The following MYO16 variants were observed in gnomAD, a reference collection of about 807,000 sequenced individuals.
MYO16 encodes unconventional myosin-XVI.
MYO16 carries 94 observed loss-of-function variants against 205.3 expected under a neutral mutation model. That is an observed-to-expected ratio of 0.46 (90% CI 0.39 to 0.54). The LOEUF is 0.54. Ranked by LOEUF, MYO16 falls within the 20% of genes least tolerant of loss-of-function variation. The probability of loss-of-function intolerance (pLI) is 0.00; values close to 1 mark genes in which losing one functional copy is unlikely to be tolerated. For synonymous variants in MYO16, 988 were observed against 954.0 expected (o/e 1.04, Z -0.66); for missense variants, 2,315 against 2,387.5 (o/e 0.97, Z 0.63).
At chr13:108,868,105 T>C (rs1878814676) in intron 12 of MYO16, among the ~76,000 whole-genome samples, 1 of 151,952 alleles carries the variant, frequency 6.6e-6, no homozygotes, top group Non-Finnish European at 1.5e-5. Context: ...GCAAGAATAT[T>C]ACTGCTATGA....
At chr13:108,802,641 G>A (rs2138971828) in intron 6 of MYO16, among the ~76,000 whole-genome samples, 1 of 152,120 alleles carries the variant, frequency 6.6e-6, no homozygotes, top group East Asian at 1.9e-4. Flanking sequence ...AGTTTTTTGA[G>A]GAATATCTAT....
At chr13:108,739,960 T>C (rs1471695746) in intron 4 of MYO16, among the ~76,000 whole-genome samples, 1 of 152,222 alleles carries the variant, frequency 6.6e-6, no homozygotes, top group Non-Finnish European at 1.5e-5. Flanking sequence ...CATCACGTGG[T>C]TCTCGTGCCA....
At chr13:108,531,813 G>A in the MYO16 span, among the ~76,000 whole-genome samples, 1 of 152,048 alleles carries the variant, frequency 6.6e-6, no homozygotes, top group African/African-American at 2.4e-5. Flanking sequence ...AGAAGAGAAA[G>A]ACTGGTTCTA....
chr13:108,971,259 A>G (rs72654063), intron 20 of MYO16, among the ~76,000 whole-genome samples: 17,685 of 151,584 alleles, frequency 0.12, 1,246 homozygotes, highest in African/African-American at 0.19. Flanking sequence ...GGTTATAGAA[A>G]CTTTGGAGTG....
At chr13:109,038,505 A>G (rs1886784278) in intron 23 of MYO16, among the ~76,000 whole-genome samples, 3 of 152,084 alleles carry the variant, frequency 2.0e-5, no homozygotes, top group Admixed American at 2.0e-4. Flanking sequence ...TCTGGCTGTC[A>G]GGCTTTCGAA....
At chr13:108,738,601 A>C (rs969990611) in intron 4 of MYO16, among the ~76,000 whole-genome samples, 4 of 152,188 alleles carry the variant, frequency 2.6e-5, no homozygotes, top group Non-Finnish European at 2.9e-5. Context: ...TGCTGAGAAG[A>C]ATGTATATTC....
At chr13:108,916,908 C>T (rs4773007) in intron 16 of MYO16, among the ~76,000 whole-genome samples, 129,720 of 152,160 alleles carry the variant, frequency 0.85, 56,770 homozygotes, top group Non-Finnish European at 0.96. Flanking sequence ...ATTGGAACTT[C>T]TTGATTGGTA....
chr13:108,766,191 T>C (rs117439895), intron 4 of MYO16, among the ~76,000 whole-genome samples: 133 of 151,668 alleles, frequency 8.8e-4, no homozygotes, highest in East Asian at 6.4e-3. Context: ...CTGTGGGAAG[T>C]CTCTGTTGGA....
chr13:108,718,046 C>T (rs1594237262), intron 3 of MYO16, among the ~76,000 whole-genome samples: 1 of 152,106 alleles, frequency 6.6e-6, no homozygotes, highest in East Asian at 1.9e-4. Context: ...TGCTCTTCAC[C>T]ATCAGTTTCT....
intron 17 of MYO16, 102 bp from the exon 18 acceptor site, chr13:108,961,437 G>A (rs1883576389): frequency 1.1e-6 from 1 of 894,380 alleles, no homozygotes; most frequent in African/African-American, 1.6e-5. Flanking sequence ...CTCATTAATA[G>A]GGTCATCATT....
chr13:109,029,260 G>A (rs1271995532), intron 23 of MYO16, among the ~76,000 whole-genome samples: 3 of 151,820 alleles, frequency 2.0e-5, no homozygotes, highest in South Asian at 2.1e-4. Context: ...GATTATAGGC[G>A]TCCACCATCA....
the MYO16 span, among the ~76,000 whole-genome samples, chr13:108,500,579 C>G: frequency 6.6e-6 from 1 of 151,946 alleles, no homozygotes; most frequent in Non-Finnish European, 1.5e-5. Context: ...TTCTTCCTTT[C>G]CCTCCCCCAC....
At chr13:108,801,999 G>A (rs1297293095) in intron 6 of MYO16, among the ~76,000 whole-genome samples, 1 of 151,818 alleles carries the variant, frequency 6.6e-6, no homozygotes, top group African/African-American at 2.4e-5. Context: ...GCATTTATGG[G>A]GTACAGTGTG....
chr13:108,696,338 T>A (rs1412468334), intron 2 of MYO16, among the ~76,000 whole-genome samples: 1 of 152,166 alleles, frequency 6.6e-6, no homozygotes, highest in East Asian at 1.9e-4. Flanking sequence ...AACACAAATG[T>A]CTACCAATGG....
At chr13:108,688,194 A>G (rs6492134) in intron 2 of MYO16, among the ~76,000 whole-genome samples, 97,360 of 151,790 alleles carry the variant, frequency 0.64, 32,076 homozygotes, top group Non-Finnish European at 0.72. Context: ...TAATTACAAG[A>G]GCCTTGTAAT....
At chr13:109,088,730 A>G (rs9521170) in intron 27 of MYO16, among the ~76,000 whole-genome samples, 21,781 of 152,266 alleles carry the variant, frequency 0.14, 1,909 homozygotes, top group South Asian at 0.21. Flanking sequence ...CGGCACCGCC[A>G]CAGGCTGCCC....
At chr13:108,597,758 G>T (rs1364792886) in intron 1 of MYO16, among the ~76,000 whole-genome samples, 2 of 151,978 alleles carry the variant, frequency 1.3e-5, no homozygotes, top group Non-Finnish European at 2.9e-5. Flanking sequence ...TGTGATTACC[G>T]GTGGTTTCAT....
intron 20 of MYO16, among the ~76,000 whole-genome samples, chr13:108,991,866 A>G (rs993297406): frequency 2.6e-5 from 4 of 152,222 alleles, no homozygotes; most frequent in Admixed American, 2.0e-4. Flanking sequence ...AATCACCCAC[A>G]TAGTGTTACA....
intron 2 of MYO16, among the ~76,000 whole-genome samples, chr13:108,667,607 A>C (rs529723670): frequency 6.6e-6 from 1 of 152,172 alleles, no homozygotes; most frequent in Non-Finnish European, 1.5e-5. Context: ...CCTCCTGCCC[A>C]TCTCATACCT....
Sources: gnomAD v4.1 joint callset for allele counts (sites outside exome capture counted in the v4.1 genomes callset) on GRCh38, gnomAD v4.1.1 for gene constraint, MANE v1.5 for transcripts, NCBI Gene and HGNC (gene_info 2026-07-23, HGNC 2026-07-21) for gene names.